MEI4: variants seen among roughly 807,000 people sequenced by gnomAD.
MEI4 encodes meiosis-specific protein MEI4.
A neutral mutation model predicts 31.4 loss-of-function variants in MEI4; 27 were observed. The observed-to-expected ratio is 0.86, with a 90% CI of 0.63 to 1.19. MEI4 has a LOEUF of 1.19. Among genes scored for constraint, MEI4 ranks in the 50% most tolerant of loss-of-function variants. MEI4 has a pLI of 0.00. For missense variants in MEI4, 329 were observed against 398.9 expected (o/e 0.82, Z 1.49); for synonymous variants, 122 against 145.4 (o/e 0.84, Z 1.16).
At chr6:77,689,109 CAAAGA>C (rs931320633) in intron 1 of MEI4, among the ~76,000 whole-genome samples, 3 of 151,778 alleles carry the variant, frequency 2.0e-5, no homozygotes, top group Admixed American at 2.0e-4. Context: ...AGAAAAATAA[CAAAGA>C]AATGAAGATA....
chr6:77,678,455 C>T (rs67460110), intron 1 of MEI4, among the ~76,000 whole-genome samples: 22,939 of 151,990 alleles, frequency 0.15, 1,864 homozygotes, highest in East Asian at 0.27. Context: ...CCCTGCATAA[C>T]AATGTTTCAG....
intron 4 of MEI4, among the ~76,000 whole-genome samples, chr6:77,833,148 T>C (rs1770125490): frequency 6.6e-6 from 1 of 152,162 alleles, no homozygotes. Flanking sequence ...TGCCTTTTTT[T>C]TTTAGTAGCA....
At chr6:77,677,664 A>T (rs1213518574) in intron 1 of MEI4, among the ~76,000 whole-genome samples, 1 of 152,020 alleles carries the variant, frequency 6.6e-6, no homozygotes, top group Non-Finnish European at 1.5e-5. Context: ...ACATGTCCTC[A>T]CCTCAGCCTC....
intron 4 of MEI4, among the ~76,000 whole-genome samples, chr6:77,843,378 A>C (rs531994040): frequency 1.3e-5 from 2 of 152,056 alleles, no homozygotes; most frequent in Non-Finnish European, 2.9e-5. Flanking sequence ...AAACTAAAGG[A>C]GCAGTTTGGC....
chr6:77,827,143 G>C (rs1036658312), intron 3 of MEI4, among the ~76,000 whole-genome samples: 5 of 151,916 alleles, frequency 3.3e-5, no homozygotes, highest in Non-Finnish European at 7.4e-5. Flanking sequence ...GGCAGATCAC[G>C]AGGTTAGGAG....
intron 2 of MEI4, among the ~76,000 whole-genome samples, chr6:77,714,517 T>C (rs1028964618): frequency 1.3e-5 from 2 of 152,208 alleles, no homozygotes; most frequent in Non-Finnish European, 2.9e-5. Flanking sequence ...TATTTGCAGT[T>C]CATAAACTAG....
chr6:77,879,075 G>T (rs1186397782), intron 4 of MEI4, among the ~76,000 whole-genome samples: 1 of 152,000 alleles, frequency 6.6e-6, no homozygotes. Context: ...CATGAAAACA[G>T]TATTATTATA....
chr6:77,697,258 C>T (rs1425676305), intron 2 of MEI4, among the ~76,000 whole-genome samples: 4 of 152,134 alleles, frequency 2.6e-5, no homozygotes, highest in African/African-American at 7.2e-5. Context: ...TTTTGTGTCT[C>T]TATTTCCTTC....
chr6:77,798,773 G>A (rs1345395726), intron 3 of MEI4, among the ~76,000 whole-genome samples: 3 of 151,594 alleles, frequency 2.0e-5, no homozygotes, highest in Non-Finnish European at 4.4e-5. Context: ...ATAGTTTACT[G>A]AGAATGATGA....
chr6:77,858,807 A>T (rs796491847), intron 4 of MEI4, among the ~76,000 whole-genome samples: 8 of 149,868 alleles, frequency 5.3e-5, no homozygotes, highest in African/African-American at 1.7e-4. Flanking sequence ...ATATACTACA[A>T]TTTTTTTTTT....
At chr6:77,918,276 TTAAAG>T (rs1184551724) in intron 4 of MEI4, among the ~76,000 whole-genome samples, 1 of 150,514 alleles carries the variant, frequency 6.6e-6, no homozygotes, top group African/African-American at 2.5e-5. Flanking sequence ...CATATGAACT[TTAAAG>T]TAGTTTTTTC....
chr6:77,862,118 C>A (rs1770881565), intron 4 of MEI4, among the ~76,000 whole-genome samples: 1 of 151,722 alleles, frequency 6.6e-6, no homozygotes, highest in African/African-American at 2.4e-5. Flanking sequence ...GGAACAGCTC[C>A]AGTCTACAGC....
At chr6:77,918,092 A>G (rs1304896269) in intron 4 of MEI4, among the ~76,000 whole-genome samples, 1 of 150,054 alleles carries the variant, frequency 6.7e-6, no homozygotes, top group Non-Finnish European at 1.5e-5. Flanking sequence ...ATGTGGCGTT[A>G]TTTCTGAGGG....
chr6:77,779,995 G>A (rs1768552019), intron 3 of MEI4, among the ~76,000 whole-genome samples: 1 of 152,144 alleles, frequency 6.6e-6, no homozygotes, highest in South Asian at 2.1e-4. Context: ...ATTCTAAAGA[G>A]TTTGCAAAGA....
chr6:77,833,284 T>G (rs905664550), intron 4 of MEI4, among the ~76,000 whole-genome samples: 1 of 152,160 alleles, frequency 6.6e-6, no homozygotes, highest in Non-Finnish European at 1.5e-5. Context: ...GGTGACCTAT[T>G]TGATTTTCTA....
At chr6:77,800,860 T>G (rs1296595263) in intron 3 of MEI4, among the ~76,000 whole-genome samples, 1 of 152,202 alleles carries the variant, frequency 6.6e-6, no homozygotes, top group Non-Finnish European at 1.5e-5. Flanking sequence ...TCATAGTGGA[T>G]AAGCTTTTTG....
At chr6:77,854,799 A>G (rs1770708510) in intron 4 of MEI4, among the ~76,000 whole-genome samples, 1 of 152,150 alleles carries the variant, frequency 6.6e-6, no homozygotes, top group Admixed American at 6.5e-5. Context: ...ATATTATCTC[A>G]TTAAACCTCA....
intron 4 of MEI4, among the ~76,000 whole-genome samples, chr6:77,899,200 G>C (rs960606258): frequency 2.0e-5 from 3 of 151,998 alleles, no homozygotes; most frequent in African/African-American, 7.2e-5. Flanking sequence ...GCCTAACTCA[G>C]CTACTTATAC....
At chr6:77,755,704 A>G (rs1767898402) in intron 2 of MEI4, among the ~76,000 whole-genome samples, 1 of 151,976 alleles carries the variant, frequency 6.6e-6, no homozygotes, top group African/African-American at 2.4e-5. Context: ...TATAATGTTT[A>G]ATTGATATTT....
Sources: allele counts gnomAD v4.1 joint callset (sites outside exome capture counted in the v4.1 genomes callset), GRCh38; gene constraint gnomAD v4.1.1; transcripts MANE v1.5; gene names NCBI Gene and HGNC (gene_info 2026-07-23, HGNC 2026-07-21).